CEP89: variants seen among roughly 807,000 people sequenced by gnomAD.
CEP89 encodes centrosomal protein 89.
A neutral mutation model predicts 97.6 loss-of-function variants in CEP89; 95 were observed. That is an observed-to-expected ratio of 0.97 (90% CI 0.82 to 1.15). CEP89 has a LOEUF of 1.15. Among genes scored for constraint, CEP89 ranks in the 50% most tolerant of loss-of-function variants. The pLI is 0.00. For missense variants in CEP89, 869 were observed against 947.7 expected, an observed-to-expected ratio of 0.92 and a Z score of 1.09; for synonymous variants, 354 against 349.1, an observed-to-expected ratio of 1.01 and a Z score of -0.16.
chr19:32,886,787 T>C (rs1426458898), intron 17 of CEP89, among the ~76,000 whole-genome samples: 5 of 150,876 alleles, frequency 3.3e-5, no homozygotes, highest in African/African-American at 1.2e-4. Flanking sequence ...CAGGGGGATT[T>C]TAAATTACTC....
At chr19:32,882,634 T>C (rs17304611) in intron 17 of CEP89, among the ~76,000 whole-genome samples, 9,989 of 152,068 alleles carry the variant, frequency 0.066, 389 homozygotes, top group South Asian at 0.15. Flanking sequence ...AACTGTATTT[T>C]TTCCAGGACA....
intron 14 of CEP89, among the ~76,000 whole-genome samples, chr19:32,903,811 G>C (rs561120870): frequency 1.8e-4 from 28 of 152,240 alleles, no homozygotes; most frequent in African/African-American, 6.5e-4. Flanking sequence ...TTCCAAACTT[G>C]ATGAAAAATA....
At chr19:32,881,018 C>T (rs1411529355) in intron 18 of CEP89, among the ~76,000 whole-genome samples, 1 of 152,172 alleles carries the variant, frequency 6.6e-6, no homozygotes, top group Non-Finnish European at 1.5e-5. Flanking sequence ...CAAAGGAAAC[C>T]TGTTCTGAAA....
chr19:32,889,176 A>G (rs907033335), intron 16 of CEP89, among the ~76,000 whole-genome samples: 10 of 151,784 alleles, frequency 6.6e-5, no homozygotes, highest in African/African-American at 2.4e-5. Flanking sequence ...AGCCACTAAC[A>G]CCCCTGGACC....
chr19:32,886,344 T>G (rs1157390708), intron 17 of CEP89, among the ~76,000 whole-genome samples: 1 of 152,032 alleles, frequency 6.6e-6, no homozygotes, highest in Non-Finnish European at 1.5e-5. Context: ...TGGGCCAGAG[T>G]GTCCTTCCAG....
At chr19:32,930,594 G>C (rs942489471) in intron 9 of CEP89, among the ~76,000 whole-genome samples, 12 of 152,046 alleles carry the variant, frequency 7.9e-5, no homozygotes, top group Admixed American at 5.2e-4. Flanking sequence ...ACCCCAGCAA[G>C]AGCCCAGCCA....
rs563186021 is a variant in CEP89, at chr19:32,905,953, G to C, written c.1566-4541C>G. On this transcript the variant is annotated intron_variant, in intron 14 of 18. Coordinates refer to ENST00000305768, the MANE Select transcript of CEP89 (RefSeq NM_032816.5). ...CAGGCTGGTCTTGAACCTCTGGACT[G>C]AGCCACCATGCCTGGCCTAAGTAGT... 5.3e-5 allele frequency among the ~76,000 whole-genome samples: 8 copies of C among 152,266 alleles called. No individual in the cohort carries two copies. The East Asian group carries it at 1.5e-3, about 29-fold the overall frequency.
rs956906433 is a variant in CEP89, at chr19:32,914,443, A to T, written c.1565+894T>A. On this transcript the variant is annotated intron_variant, in intron 14 of 18. Transcript: ENST00000305768. ...CCTGGCTAGTTTTTGTATTATTATTATTTTTTTTGGTAGACATGCAGTTTC... is the reference window on the plus strand; with the variant it reads ...CCTGGCTAGTTTTTGTATTATTATTTTTTTTTTTGGTAGACATGCAGTTTC... 4.6e-5 allele frequency among the ~76,000 whole-genome samples: 7 copies of T among 151,140 alleles called. No individual in the cohort carries two copies. The East Asian group carries it at 5.9e-4, about 13-fold the overall frequency.
intron 3 of CEP89, among the ~76,000 whole-genome samples, chr19:32,956,811 T>C (rs1224056836): frequency 6.6e-6 from 1 of 152,272 alleles, no homozygotes; most frequent in African/African-American, 2.4e-5. Flanking sequence ...AAAGGTTTTT[T>C]TACTTTCTAA....
intron 14 of CEP89, among the ~76,000 whole-genome samples, chr19:32,901,642 G>T (rs941061253): frequency 6.6e-6 from 1 of 151,444 alleles, no homozygotes; most frequent in African/African-American, 2.4e-5. Context: ...GTGTGTGTCT[G>T]TGTGAGACAG....
chr19:32,938,339 C>T (rs1172881043), intron 6 of CEP89, among the ~76,000 whole-genome samples: 5 of 152,126 alleles, frequency 3.3e-5, no homozygotes, highest in Admixed American at 1.3e-4. Context: ...CAGCAAACTC[C>T]AGCCAGGCCT....
At chr19:32,930,471 T>C (rs575857749) in intron 9 of CEP89, among the ~76,000 whole-genome samples, 2 of 152,090 alleles carry the variant, frequency 1.3e-5, no homozygotes, top group Admixed American at 6.5e-5. Flanking sequence ...TTCAAAGCTG[T>C]TATTAAAAAA....
intron 6 of CEP89, among the ~76,000 whole-genome samples, chr19:32,938,684 C>T (rs1378092785): frequency 6.6e-6 from 1 of 151,986 alleles, no homozygotes; most frequent in African/African-American, 2.4e-5. Context: ...TGTGGTGGCT[C>T]ACACCCGTAA....
At chr19:32,938,378 C>T (rs1348504293) in intron 6 of CEP89, among the ~76,000 whole-genome samples, 1 of 152,036 alleles carries the variant, frequency 6.6e-6, no homozygotes, top group Non-Finnish European at 1.5e-5. Flanking sequence ...AAAAAGGACC[C>T]CATCAACTGC....
intron 10 of CEP89, 105 bp from the exon 11 acceptor site, chr19:32,926,378 G>A: frequency 1.2e-6 from 1 of 807,788 alleles, no homozygotes; most frequent in African/African-American, 1.7e-5. Context: ...TGGTTTCTTT[G>A]GTTGCAGTTG....
intron 14 of CEP89, among the ~76,000 whole-genome samples, chr19:32,902,004 C>CTGTGTGTGTGTG (rs1455977169): frequency 0.028 from 2,748 of 99,840 alleles, 54 homozygotes; most frequent in East Asian, 0.11. Flanking sequence ...CTGTCTCTCT[C>CTGTGTGTGTGTG]TCTCTCTGTG....
intron 16 of CEP89, among the ~76,000 whole-genome samples, chr19:32,890,993 C>T (rs1240412203): frequency 6.6e-6 from 1 of 152,218 alleles, no homozygotes; most frequent in Non-Finnish European, 1.5e-5. Flanking sequence ...GGCGAGGCAC[C>T]AGGTGGACCC....
intron 3 of CEP89, 101 bp downstream of exon 3, chr19:32,959,799 A>G: frequency 3.1e-6 from 4 of 1,298,700 alleles, no homozygotes; most frequent in African/African-American, 1.5e-5. Context: ...ACAGGTACAC[A>G]TGCACACACA....
At chr19:32,955,574 C>T (rs1171355407) in intron 3 of CEP89, among the ~76,000 whole-genome samples, 2 of 152,000 alleles carry the variant, frequency 1.3e-5, no homozygotes, top group Admixed American at 6.6e-5. Context: ...AGTGTGGTGG[C>T]GCGATCTCAG....
Sources: gnomAD v4.1 joint callset for allele counts (sites outside exome capture counted in the v4.1 genomes callset) on GRCh38, gnomAD v4.1.1 for gene constraint, MANE v1.5 for transcripts, NCBI Gene and HGNC (gene_info 2026-07-23, HGNC 2026-07-21) for gene names.